Variants in ITGB6 observed in about 807,000 individuals in gnomAD.
ITGB6 encodes the protein integrin subunit beta 6, also known as integrin beta-6.
Under a neutral mutation model 84.5 loss-of-function variants are expected in ITGB6, and 80 were observed. That is an observed-to-expected ratio of 0.95 (90% CI 0.79 to 1.14). ITGB6 has a LOEUF of 1.14. ITGB6 is among the 50% of genes most tolerant of loss of function. The pLI, the probability that ITGB6 is intolerant of heterozygous loss-of-function variation, is 0.00. For missense variants in ITGB6, 1,006 were observed against 968.0 expected, an observed-to-expected ratio of 1.04 and a Z score of -0.52; for synonymous variants, 383 against 354.9, an observed-to-expected ratio of 1.08 and a Z score of -0.89.
chr2:160,143,339 C>T (rs1476338080), intron 7 of ITGB6, among the ~76,000 whole-genome samples: 4 of 152,130 alleles, frequency 2.6e-5, no homozygotes, highest in Non-Finnish European at 5.9e-5. Context: ...TCATCAAAGG[C>T]TTTTGAAATC....
chr2:160,141,231 C>G (rs905634914), intron 8 of ITGB6, among the ~76,000 whole-genome samples: 1 of 151,488 alleles, frequency 6.6e-6, no homozygotes, highest in Non-Finnish European at 1.5e-5. Flanking sequence ...CTTTCTCTCT[C>G]TGTGTGTGTA....
At chr2:160,185,589 C>A (rs1685861523) in intron 4 of ITGB6, among the ~76,000 whole-genome samples, 1 of 152,282 alleles carries the variant, frequency 6.6e-6, no homozygotes, top group South Asian at 2.1e-4. Context: ...ATCAAGCTAC[C>A]ATTGACTTTC....
At chr2:160,169,411 CT>C in intron 6 of ITGB6, 104 bp from the exon 7 acceptor site, 1 of 635,078 alleles carries the variant, frequency 1.6e-6, no homozygotes, top group East Asian at 2.8e-5. Flanking sequence ...CATTTCAATG[CT>C]CACAGGCATT....
intron 7 of ITGB6, among the ~76,000 whole-genome samples, chr2:160,165,395 C>T (rs775202005): frequency 6.6e-6 from 1 of 152,152 alleles, no homozygotes; most frequent in Non-Finnish European, 1.5e-5. Flanking sequence ...GAGATTTCCA[C>T]TGGAGCAAAA....
chr2:160,140,924 G>C (rs892815946), intron 8 of ITGB6, among the ~76,000 whole-genome samples: 2 of 152,216 alleles, frequency 1.3e-5, no homozygotes, highest in Admixed American at 1.3e-4. Flanking sequence ...AAAATATGTA[G>C]CTCTCATTTC....
Position 160,104,465 on chromosome 2 carries a change from T to G in ITGB6, c.2269-2631A>C, listed in dbSNP as rs548149904. Among the ~76,000 whole-genome samples, 77 of 152,332 alleles carry G rather than the reference T, an allele frequency of 5.1e-4. 1 individual carries two copies. The highest frequency in any genetic ancestry group is 1.9e-3 in the African/African-American group (77 of 41,580). ...TGCTCAGAAAAGGTCAGTTTTCCCC[T>G]AACCATTTGGGGTTACCAGGCTGAT... is the stretch of plus-strand genomic sequence containing the variant. On this transcript the variant is annotated intron_variant, in intron 14 of 14. Coordinates refer to ENST00000283249, the MANE Select transcript of ITGB6 (RefSeq NM_000888.5).
intron 7 of ITGB6, among the ~76,000 whole-genome samples, chr2:160,155,736 A>G (rs895243270): frequency 1.2e-4 from 19 of 152,196 alleles, no homozygotes; most frequent in African/African-American, 2.9e-4. Context: ...AACCAAGGAC[A>G]TGGTGCCAGA....
In ITGB6 at chr2:160,200,166, A is replaced by G; in HGVS notation, c.-103T>C. 1 of 903,746 alleles carries G rather than the reference A, an allele frequency of 1.1e-6. No individual in the cohort carries two copies. Among genetic ancestry groups the G allele is most frequent in the Non-Finnish European group, 1.8e-6 (1 of 564,594 alleles). The allele number at this position is 903,746 out of a possible 1,614,324, so 56.0% of individuals were successfully genotyped here. A position where few individuals can be genotyped will look rare whatever the true frequency, so the allele number is the denominator to read the frequency against. ...TAAAGTCTTTCTTTCTTGAAGTATA[A>G]CATTTTAAATACTACTTACACTGCT... is the stretch of plus-strand genomic sequence containing the variant. On this transcript the variant is annotated 5_prime_UTR_variant, in exon 1 of 15. Transcript: ENST00000283249.
chr2:160,160,683 T>C (rs1014199203), intron 7 of ITGB6, among the ~76,000 whole-genome samples: 1 of 152,184 alleles, frequency 6.6e-6, no homozygotes, highest in Admixed American at 6.5e-5. Context: ...CTTGATGCCA[T>C]ATGTGATTAT....
chr2:160,154,889 T>C (rs980131092), intron 7 of ITGB6, among the ~76,000 whole-genome samples: 3 of 152,180 alleles, frequency 2.0e-5, no homozygotes, highest in African/African-American at 7.2e-5. Flanking sequence ...CCAAATCTCA[T>C]GTTGAATTGT....
chr2:160,137,445 A>C lies in ITGB6; in HGVS notation c.1649T>G (p.Leu550Arg), dbSNP rs775305706. 1.2e-6 allele frequency: 2 copies of C among 1,609,518 alleles called. No homozygotes were observed. Among genetic ancestry groups the C allele is most frequent in the Non-Finnish European group, 1.7e-6 (2 of 1,176,494 alleles). The change falls in exon 10 of 15, where the codon CTG (leucine) becomes CGG (arginine). Residue 550 changes from leucine to arginine, a missense_variant. Physicochemically the swap from Leu to Arg is moderately radical, Grantham distance 102. Coordinates refer to ENST00000283249, the MANE Select transcript of ITGB6 (RefSeq NM_000888.5). ...DNFSCVRHKGLLCGGNGDCDC... is the reference protein window; with the variant it reads ...DNFSCVRHKGRLCGGNGDCDC... The stretch of plus-strand genomic sequence containing the variant: ...TCAACATAGCCTACCTCCGCAGAGC[A>C]GCCCTTTGTGTCTCACGCAGGAGAA...
chr2:160,152,595 T>C (rs1279252099), intron 7 of ITGB6, among the ~76,000 whole-genome samples: 4 of 152,100 alleles, frequency 2.6e-5, no homozygotes, highest in African/African-American at 9.7e-5. Flanking sequence ...AAGATCTGGC[T>C]AGGGCAATCA....
At chr2:160,185,978 G>T (rs1475042100) in intron 4 of ITGB6, among the ~76,000 whole-genome samples, 1 of 151,998 alleles carries the variant, frequency 6.6e-6, no homozygotes, top group African/African-American at 2.4e-5. Context: ...ACTCAAGATG[G>T]ATTAAAGACA....
chr2:160,100,106 A>G lies in ITGB6; in HGVS notation c.*1630T>C, dbSNP rs1696656445. On this transcript the variant is annotated 3_prime_UTR_variant, in exon 15 of 15. Transcript: ENST00000283249. The stretch of plus-strand genomic sequence containing the variant: ...CTTTCACCTAGCCCTGTACTCTGTA[A>G]AGGTCTGATTTACCTGAGTTATCTA... 6.6e-6 allele frequency: 1 copy of G among 152,192 alleles called. No homozygotes were observed. Among genetic ancestry groups the G allele is most frequent in the South Asian group, 2.1e-4 (1 of 4,826 alleles). The allele number at this position is 152,192 out of a possible 1,614,324, so 9.4% of individuals were successfully genotyped here. A position where few individuals can be genotyped will look rare whatever the true frequency, so the allele number is the denominator to read the frequency against.
At chr2:160,183,762 C>G (rs1685779751) in intron 4 of ITGB6, among the ~76,000 whole-genome samples, 1 of 152,096 alleles carries the variant, frequency 6.6e-6, no homozygotes, top group Admixed American at 6.6e-5. Flanking sequence ...TCAGCAAACG[C>G]AAAAGAATGG....
intron 4 of ITGB6, among the ~76,000 whole-genome samples, chr2:160,179,879 C>T (rs1488594329): frequency 6.9e-6 from 1 of 145,980 alleles, no homozygotes; most frequent in African/African-American, 2.6e-5. Context: ...AGGTGGATTA[C>T]TTGAGGTCAG....
intron 6 of ITGB6, among the ~76,000 whole-genome samples, chr2:160,170,028 G>A (rs534275636): frequency 2.1e-4 from 32 of 152,174 alleles, no homozygotes; most frequent in Non-Finnish European, 4.3e-4. Flanking sequence ...ATATTATGTG[G>A]CATTTGCCCA....
intron 12 of ITGB6, among the ~76,000 whole-genome samples, chr2:160,118,697 T>C (rs966010622): frequency 2.0e-5 from 3 of 151,412 alleles, no homozygotes; most frequent in African/African-American, 4.8e-5. Flanking sequence ...ATAAAGGGTA[T>C]TCAATTAGGA....
rs1180239557 is a variant in ITGB6 at position 160,101,393 on chromosome 2, G to C, written c.*343C>G. 3.9e-6 allele frequency: 1 copy of C among 258,288 alleles called. No homozygotes were observed. The highest frequency in any genetic ancestry group is 2.3e-5 in the African/African-American group (1 of 42,570). 16.0% of individuals were successfully genotyped at this position (258,288 alleles called of 1,614,324 possible). On this transcript the variant is annotated 3_prime_UTR_variant, in exon 15 of 15. Transcript: ENST00000283249. ...TGACTTTGCCGAGACAAAAAACTCA[G>C]GTAGCTGCATTCCTGAAACAAATGA...
Sources: gnomAD v4.1 joint callset for allele counts (sites outside exome capture counted in the v4.1 genomes callset) on GRCh38, gnomAD v4.1.1 for gene constraint, MANE v1.5 for transcripts, NCBI Gene and HGNC (gene_info 2026-07-23, HGNC 2026-07-21) for gene names.